The following SSPN variants were observed in gnomAD, a reference collection of about 807,000 sequenced individuals.
SSPN encodes the protein sarcospan, also known as K-ras oncogene-associated protein.
In SSPN, 15 loss-of-function variants were observed where a neutral mutation model predicts 19.1. That is an observed-to-expected ratio of 0.78 (90% CI 0.52 to 1.21). The LOEUF (loss-of-function observed/expected upper bound fraction) is 1.21, where lower values mean the gene tolerates loss of function less well. Among genes scored for constraint, SSPN ranks in the 50% most tolerant of loss-of-function variants. The pLI, the probability that SSPN is intolerant of heterozygous loss-of-function variation, is 0.00. For missense variants in SSPN, 291 were observed against 314.0 expected, an observed-to-expected ratio of 0.93 and a Z score of 0.55; for synonymous variants, 147 against 140.3, an observed-to-expected ratio of 1.05 and a Z score of -0.34.
rs534243861 is a variant in SSPN, at chr12:26,227,327, C to G, written c.366+2948C>G. ...AAGAAACTTGATTCCGTGGCTTTCT[C>G]TAGTTTACTTGGCCTGATGCTTTCC... On this transcript the variant is annotated intron_variant, in intron 2 of 2. Coordinates refer to ENST00000242729, the MANE Select transcript of SSPN (RefSeq NM_005086.5). Among the ~76,000 whole-genome samples, 354 of 152,198 alleles carry G rather than the reference C, an allele frequency of 2.3e-3. 4 individuals carry two copies. The highest frequency in any genetic ancestry group is 1.8e-3 in the Admixed American group (28 of 15,294).
intron 1 of SSPN, among the ~76,000 whole-genome samples, chr12:26,128,800 AG>A (rs1944381017): frequency 6.6e-6 from 1 of 152,176 alleles, no homozygotes; most frequent in Non-Finnish European, 1.5e-5. Flanking sequence ...TCCTTTTAAT[AG>A]GCGAGGGGTA....
chr12:26,149,048 G>T (rs577115253), intron 1 of SSPN, among the ~76,000 whole-genome samples: 6 of 152,250 alleles, frequency 3.9e-5, no homozygotes, highest in African/African-American at 1.2e-4. Context: ...TAAAGTAATG[G>T]TAGATTTTTC....
intron 1 of SSPN, among the ~76,000 whole-genome samples, chr12:26,130,408 A>G (rs1018864369): frequency 6.6e-6 from 1 of 152,192 alleles, no homozygotes; most frequent in African/African-American, 2.4e-5. Flanking sequence ...AGTAACAGAT[A>G]TTTCTTCTGA....
upstream of SSPN, among the ~76,000 whole-genome samples, chr12:26,194,185 G>T (rs1395747206): frequency 6.6e-6 from 1 of 152,190 alleles, no homozygotes; most frequent in Admixed American, 6.5e-5. Context: ...TTTGCTCTAA[G>T]TGCTACTGAG....
rs949196238 is a variant in SSPN at position 26,167,604 on chromosome 12, A to G, written c.-31+45452A>G. Among the ~76,000 whole-genome samples, 5 of 152,232 alleles carry G rather than the reference A, an allele frequency of 3.3e-5. No homozygotes were observed. The South Asian group carries it at 1.0e-3, about 31-fold the overall frequency. ...GGCATGAAAAACTTTCCCTCCATTGAATAAATATAAACAAGCTTATTTACC... is the reference window on the plus strand; with the variant it reads ...GGCATGAAAAACTTTCCCTCCATTGGATAAATATAAACAAGCTTATTTACC... On this transcript the variant is annotated intron_variant, in intron 1 of 2. Coordinates refer to the SSPN transcript ENST00000538142.
intron 1 of SSPN, among the ~76,000 whole-genome samples, chr12:26,128,361 G>C (rs1052279471): frequency 6.6e-6 from 1 of 152,230 alleles, no homozygotes; most frequent in African/African-American, 2.4e-5. Context: ...TGCCATGTCA[G>C]TGAGTCATTC....
chr12:26,168,775 T>C (rs907369873), intron 1 of SSPN, among the ~76,000 whole-genome samples: 1 of 152,052 alleles, frequency 6.6e-6, no homozygotes, highest in Non-Finnish European at 1.5e-5. Flanking sequence ...AAAGGAAAAA[T>C]CCATACGACT....
chr12:26,173,218 G>A (rs1454245372), intron 1 of SSPN, among the ~76,000 whole-genome samples: 3 of 152,180 alleles, frequency 2.0e-5, no homozygotes, highest in Admixed American at 6.5e-5. Flanking sequence ...TTCTAGGAGT[G>A]TCTGTGTGTT....
At chr12:26,186,204 T>TAAAA (rs34853948) in intron 1 of SSPN, among the ~76,000 whole-genome samples, 1 of 149,716 alleles carries the variant, frequency 6.7e-6, no homozygotes. Flanking sequence ...TCAGGAATGT[T>TAAAA]AAAAAAAAAA....
intron 1 of SSPN, among the ~76,000 whole-genome samples, chr12:26,198,611 G>A (rs1944851329): frequency 6.6e-6 from 1 of 152,172 alleles, no homozygotes; most frequent in Non-Finnish European, 1.5e-5. Flanking sequence ...TTCATCTCTA[G>A]ACTTGCAAAA....
chr12:26,179,526 T>C (rs974517814), intron 1 of SSPN, among the ~76,000 whole-genome samples: 2 of 152,176 alleles, frequency 1.3e-5, no homozygotes, highest in African/African-American at 2.4e-5. Context: ...GAGCAACTTC[T>C]TGAACTTCAC....
rs539801347 is a variant in SSPN at position 26,123,667 on chromosome 12, G to C, written c.-31+1515G>C. 4.3e-5 allele frequency: 69 copies of C among 1,613,974 alleles called. No individual in the cohort carries two copies. The South Asian group carries it at 7.2e-4, about 17-fold the overall frequency. On this transcript the variant is annotated intron_variant, in intron 1 of 2. Transcript: ENST00000538142. ...CAATTATCTTCTGATGCTGTTGCTC[G>C]GTTAAGGCGGTTAAAGCTTTTAAGT...
At chr12:26,222,790 T>A (rs1945136042) in intron 1 of SSPN, among the ~76,000 whole-genome samples, 1 of 152,234 alleles carries the variant, frequency 6.6e-6, no homozygotes, top group Admixed American at 6.5e-5. Flanking sequence ...ATATTTTGCC[T>A]CAAAGCTGCT....
At chr12:26,194,291 C>T (rs1214877615), upstream of SSPN, among the ~76,000 whole-genome samples, 4 of 152,214 alleles carry the variant, frequency 2.6e-5, no homozygotes, top group Admixed American at 2.6e-4. Context: ...TATATCCTAG[C>T]ACATTGTAGG....
At position 26,135,995 on chromosome 12, in the gene SSPN, A is replaced by G. The variant is rs1565668979; in HGVS notation, c.-31+13843A>G. ...TGTTTCATATTACAGTCCACCCTCC[A>G]TATCTGTGGGCTCCCATCCATGGAT... On this transcript the variant is annotated intron_variant, in intron 1 of 2. Coordinates refer to the SSPN transcript ENST00000538142. 2.0e-5 allele frequency among the ~76,000 whole-genome samples: 3 copies of G among 152,300 alleles called. No homozygotes were observed. The South Asian group carries it at 6.2e-4, about 32-fold the overall frequency.
chr12:26,197,542 G>A (rs1944840837), intron 1 of SSPN, among the ~76,000 whole-genome samples: 1 of 152,154 alleles, frequency 6.6e-6, no homozygotes, highest in South Asian at 2.1e-4. Context: ...TTGCAAATGT[G>A]TTCCCCATCC....
intron 2 of SSPN, among the ~76,000 whole-genome samples, chr12:26,227,946 T>C (rs1945193938): frequency 6.6e-6 from 1 of 152,238 alleles, no homozygotes; most frequent in African/African-American, 2.4e-5. Flanking sequence ...AAGTCATCTT[T>C]TAAAAATAGA....
chr12:26,159,566 G>A (rs112139721), intron 1 of SSPN, among the ~76,000 whole-genome samples: 2,066 of 152,326 alleles, frequency 0.014, 48 homozygotes, highest in African/African-American at 0.047. Context: ...TCTGGATGAT[G>A]GCAGAAGCTG....
chr12:26,150,673 C>A (rs1204000827), intron 1 of SSPN, among the ~76,000 whole-genome samples: 2 of 151,972 alleles, frequency 1.3e-5, no homozygotes, highest in Non-Finnish European at 2.9e-5. Context: ...TAAGGGAAAC[C>A]TTTGAGACCC....
Sources: allele counts gnomAD v4.1 joint callset (sites outside exome capture counted in the v4.1 genomes callset), GRCh38; gene constraint gnomAD v4.1.1; transcripts MANE v1.5; gene names NCBI Gene and HGNC (gene_info 2026-07-23, HGNC 2026-07-21).